Variants in CEMIP observed in about 807,000 individuals in gnomAD.
The protein encoded by CEMIP is cell migration inducing hyaluronidase 1.
Under a neutral mutation model 156.9 loss-of-function variants are expected in CEMIP, and 105 were observed. The observed-to-expected ratio is 0.67, with a 90% CI of 0.57 to 0.79. The LOEUF is 0.79. Among genes scored for constraint, CEMIP ranks in the 30% least tolerant of loss-of-function variants. The probability of loss-of-function intolerance (pLI) is 0.00; values close to 1 mark genes in which losing one functional copy is unlikely to be tolerated. For missense variants in CEMIP, 1,457 were observed against 1,769.4 expected (o/e 0.82, Z 3.17); for synonymous variants, 676 against 668.4 (o/e 1.01, Z -0.17).
intron 7 of CEMIP, among the ~76,000 whole-genome samples, chr15:80,886,733 C>T (rs77930629): frequency 0.028 from 4,206 of 152,224 alleles, 118 homozygotes; most frequent in South Asian, 0.13. Flanking sequence ...TGTCTGTACA[C>T]GAGGTTTGAT....
chr15:80,838,086 T>A (rs1435999951), intron 1 of CEMIP, among the ~76,000 whole-genome samples: 1 of 152,218 alleles, frequency 6.6e-6, no homozygotes, highest in Non-Finnish European at 1.5e-5. Context: ...CCAGACTCTC[T>A]GCTTGTCCAG....
At chr15:80,861,095 G>C (rs56322399) in intron 1 of CEMIP, among the ~76,000 whole-genome samples, 1 of 152,118 alleles carries the variant, frequency 6.6e-6, no homozygotes, top group African/African-American at 2.4e-5. Context: ...TGGACTGTGA[G>C]CTCTAACCTG....
chr15:80,820,419 G>C (rs1199835744), intron 1 of CEMIP, among the ~76,000 whole-genome samples: 1 of 152,140 alleles, frequency 6.6e-6, no homozygotes, highest in African/African-American at 2.4e-5. Context: ...TGCTCTCCTG[G>C]GGTCTTCTTA....
chr15:80,831,043 G>A (rs532442490), intron 1 of CEMIP, among the ~76,000 whole-genome samples: 18 of 152,310 alleles, frequency 1.2e-4, no homozygotes, highest in African/African-American at 2.9e-4. Flanking sequence ...GGCAGTTACC[G>A]TGCTGGGAGA....
chr15:80,844,796 T>C (rs1206654614), intron 1 of CEMIP, among the ~76,000 whole-genome samples: 3 of 152,138 alleles, frequency 2.0e-5, no homozygotes, highest in Admixed American at 6.5e-5. Context: ...ACAGCGAAGA[T>C]TGGGGCATGG....
chr15:80,934,289 T>G (rs962546231), intron 23 of CEMIP, among the ~76,000 whole-genome samples: 2 of 152,260 alleles, frequency 1.3e-5, no homozygotes, highest in African/African-American at 2.4e-5. Context: ...TGCTTTTGTT[T>G]TGAAATTTAA....
intron 1 of CEMIP, chr15:80,841,855 T>C (rs953700474): frequency 8.5e-6 from 2 of 236,278 alleles, no homozygotes; most frequent in African/African-American, 4.8e-5. Context: ...CTTCCCTAAC[T>C]GGCCAAAAGA....
At chr15:80,828,144 C>T (rs1045457849) in intron 1 of CEMIP, among the ~76,000 whole-genome samples, 2 of 152,068 alleles carry the variant, frequency 1.3e-5, no homozygotes, top group Non-Finnish European at 2.9e-5. Context: ...TTTGGGAGGC[C>T]GAGGCAGGCA....
chr15:80,828,244 G>A (rs1046401293), intron 1 of CEMIP, among the ~76,000 whole-genome samples: 1 of 152,114 alleles, frequency 6.6e-6, no homozygotes, highest in African/African-American at 2.4e-5. Flanking sequence ...GCCCGGTGTG[G>A]TGGTGGATGC....
chr15:80,886,902 C>T (rs1393822443), intron 7 of CEMIP, among the ~76,000 whole-genome samples: 1 of 152,158 alleles, frequency 6.6e-6, no homozygotes, highest in East Asian at 1.9e-4. Flanking sequence ...AAGGAAGGCC[C>T]TCTCACATAA....
chr15:80,792,154 G>A (rs903874426), intron 1 of CEMIP, among the ~76,000 whole-genome samples: 3 of 152,178 alleles, frequency 2.0e-5, no homozygotes, highest in Admixed American at 6.5e-5. Flanking sequence ...AGTCACAAAG[G>A]CTGGGTTCTT....
intron 18 of CEMIP, 131 bp downstream of exon 18, chr15:80,924,837 T>C: frequency 2.4e-6 from 2 of 823,916 alleles, no homozygotes; most frequent in African/African-American, 1.7e-5. Context: ...TTTGAGCTAG[T>C]TGCTGGGGGT....
chr15:80,854,048 G>A (rs1185454225), intron 1 of CEMIP, among the ~76,000 whole-genome samples: 1 of 152,250 alleles, frequency 6.6e-6, no homozygotes, highest in East Asian at 1.9e-4. Context: ...AGAGATCTGT[G>A]TTCAGATTCC....
chr15:80,925,607 C>G lies in CEMIP; in HGVS notation c.2289-17C>G, dbSNP rs1254085247. The G allele has an allele frequency of 6.2e-7, 1 of 1,611,016 alleles. No homozygotes were observed. The highest frequency in any genetic ancestry group is 8.5e-7 in the Non-Finnish European group (1 of 1,179,824). On this transcript the variant is annotated splice_polypyrimidine_tract_variant and intron_variant, in intron 18 of 29. Transcript: ENST00000394685. ...CCCAACACCGCCACCTGTGCCCTCC[C>G]CATGGTTGTGCTGCAGATACAGCCC...
At chr15:80,843,658 C>T (rs1184855694) in intron 1 of CEMIP, among the ~76,000 whole-genome samples, 1 of 152,200 alleles carries the variant, frequency 6.6e-6, no homozygotes, top group Non-Finnish European at 1.5e-5. Context: ...TAGAATAGTT[C>T]CTTCTAACCC....
chr15:80,915,677 A>T (rs541700959), intron 14 of CEMIP, among the ~76,000 whole-genome samples: 4 of 151,940 alleles, frequency 2.6e-5, no homozygotes. Flanking sequence ...TCCCTCCCCA[A>T]CCTGGTTGTT....
At chr15:80,945,878 T>C (rs747690851) in intron 28 of CEMIP, among the ~76,000 whole-genome samples, 2 of 152,240 alleles carry the variant, frequency 1.3e-5, no homozygotes, top group African/African-American at 2.4e-5. Context: ...TTGGACTGAA[T>C]ACACCCCGAG....
At chr15:80,785,048 C>T (rs1463019992) in intron 1 of CEMIP, among the ~76,000 whole-genome samples, 1 of 152,182 alleles carries the variant, frequency 6.6e-6, no homozygotes, top group Non-Finnish European at 1.5e-5. Context: ...AATATCTTGG[C>T]CCCCTTTAAG....
chr15:80,883,543 G>T (rs1267518995), intron 6 of CEMIP, among the ~76,000 whole-genome samples: 2 of 152,166 alleles, frequency 1.3e-5, no homozygotes, highest in Admixed American at 1.3e-4. Context: ...ATACTCAAAT[G>T]TTATATGACT....
Sources: allele counts gnomAD v4.1 joint callset (sites outside exome capture counted in the v4.1 genomes callset), GRCh38; gene constraint gnomAD v4.1.1; transcripts MANE v1.5; gene names NCBI Gene and HGNC (gene_info 2026-07-23, HGNC 2026-07-21).